NLGN4X: variants seen among roughly 807,000 people sequenced by gnomAD.
NLGN4X encodes neuroligin 4 X-linked.
Under a neutral mutation model 40.3 loss-of-function variants are expected in NLGN4X, and 3 were observed. The observed-to-expected ratio is 0.07, with a 90% CI of 0.03 to 0.19. NLGN4X has a LOEUF of 0.19. Among genes scored for constraint, NLGN4X ranks in the 10% least tolerant of loss-of-function variants. The pLI is 1.00. For missense variants in NLGN4X, 382 were observed against 708.3 expected, an observed-to-expected ratio of 0.54 and a Z score of 5.23; for synonymous variants, 270 against 306.8, an observed-to-expected ratio of 0.88 and a Z score of 1.25.
intron 2 of NLGN4X, among the ~76,000 whole-genome samples, chrX:6,088,636 C>T (rs1433408553): frequency 9.0e-6 from 1 of 111,676 alleles, no homozygotes; most frequent in Non-Finnish European, 1.9e-5. Flanking sequence ...ATCAATGACC[C>T]TTAGGGATTA....
At chrX:6,031,925 T>G (rs1225609115) in intron 2 of NLGN4X, among the ~76,000 whole-genome samples, 1 of 111,101 alleles carries the variant, frequency 9.0e-6, no homozygotes, top group Non-Finnish European at 1.9e-5. Context: ...AGCAATTTGG[T>G]AGCCTTAAGA....
intron 2 of NLGN4X, among the ~76,000 whole-genome samples, chrX:6,073,689 C>T: frequency 9.0e-6 from 1 of 110,886 alleles, no homozygotes; most frequent in Middle Eastern, 4.7e-3. Flanking sequence ...ATATAAGATA[C>T]TGCATTGGAA....
intron 2 of NLGN4X, among the ~76,000 whole-genome samples, chrX:6,128,031 G>T (rs182402125): frequency 5.7e-4 from 63 of 111,008 alleles, no homozygotes; most frequent in African/African-American, 1.9e-3. Context: ...TTGAACTCCT[G>T]ACCTCAAGAG....
At chrX:6,104,878 C>T (rs773708362) in intron 2 of NLGN4X, among the ~76,000 whole-genome samples, 1 of 110,596 alleles carries the variant, frequency 9.0e-6, no homozygotes, top group South Asian at 3.9e-4. Flanking sequence ...CACCCTAATC[C>T]AAGTTGAACC....
intron 3 of NLGN4X, among the ~76,000 whole-genome samples, chrX:5,983,823 G>A (rs1013984947): frequency 4.5e-5 from 5 of 111,814 alleles, no homozygotes; most frequent in African/African-American, 1.6e-4. Context: ...GCATGTGACT[G>A]TAGTCCCAGC....
At chrX:6,220,022 TA>T (rs1569306067) in intron 1 of NLGN4X, among the ~76,000 whole-genome samples, 43 of 111,053 alleles carry the variant, frequency 3.9e-4, no homozygotes, top group African/African-American at 1.4e-3. Context: ...TTTTTTTTTT[TA>T]TGTGGTAGTG....
chrX:6,165,996 T>C (rs1339512933), intron 1 of NLGN4X, among the ~76,000 whole-genome samples: 1 of 111,924 alleles, frequency 8.9e-6, no homozygotes, highest in Non-Finnish European at 1.9e-5. Flanking sequence ...ATAGATTCCA[T>C]GGGTTCTACA....
At chrX:5,902,560 G>C (rs764479235) in intron 5 of NLGN4X, among the ~76,000 whole-genome samples, 1 of 111,122 alleles carries the variant, frequency 9.0e-6, no homozygotes, top group Non-Finnish European at 1.9e-5. Context: ...ATGGTGGCAG[G>C]CACCTGTAGT....
At chrX:6,014,127 A>T (rs762731774) in intron 3 of NLGN4X, among the ~76,000 whole-genome samples, 1 of 108,474 alleles carries the variant, frequency 9.2e-6, no homozygotes, top group Non-Finnish European at 1.9e-5. Context: ...GGTTGCAGTG[A>T]GCTGAGATCG....
intron 2 of NLGN4X, among the ~76,000 whole-genome samples, chrX:6,031,884 A>T (rs2036867859): frequency 9.0e-6 from 1 of 111,201 alleles, no homozygotes; most frequent in Admixed American, 9.6e-5. Context: ...TTTAAAAAAA[A>T]ATCCTTTCAC....
chrX:6,120,549 T>C (rs915116057), intron 2 of NLGN4X, among the ~76,000 whole-genome samples: 13 of 111,560 alleles, frequency 1.2e-4, no homozygotes, highest in African/African-American at 3.9e-4. Flanking sequence ...CCCGTTGAGG[T>C]AGGTGTTATT....
rs189844214 is a variant in NLGN4X, at chrX:6,143,969, T to C, written c.472+7026A>G. Reference sequence around the variant, plus strand: ...GACATGCTTCTTCTCTGAACCTCAATATAGTAGTCTCAGCCTATAGTCCCA... The same window carrying C: ...GACATGCTTCTTCTCTGAACCTCAACATAGTAGTCTCAGCCTATAGTCCCA... On this transcript the variant is annotated intron_variant, in intron 2 of 5. Transcript: ENST00000381095. Among the ~76,000 whole-genome samples the C allele has an allele frequency of 2.7e-5, 3 of 111,679 alleles. No individual in the cohort carries two copies. The Admixed American group carries it at 2.9e-4, about 11-fold the overall frequency.
At chrX:6,011,834 G>A (rs181251579) in intron 3 of NLGN4X, among the ~76,000 whole-genome samples, 314 of 110,211 alleles carry the variant, frequency 2.8e-3, no homozygotes, top group African/African-American at 9.9e-3. Flanking sequence ...AAAAAGTAAA[G>A]ATAAAAAATA....
chrX:5,956,071 T>G (rs1168593075), intron 3 of NLGN4X, among the ~76,000 whole-genome samples: 1 of 108,984 alleles, frequency 9.2e-6, no homozygotes. Context: ...GAATACAAAG[T>G]CCTGCAAAAC....
At chrX:6,026,366 G>C (rs1177298825) in intron 3 of NLGN4X, among the ~76,000 whole-genome samples, 1 of 111,953 alleles carries the variant, frequency 8.9e-6, no homozygotes, top group East Asian at 2.8e-4. Flanking sequence ...GCCTAAAATT[G>C]TATCTACTTG....
At chrX:6,178,860 A>G (rs767699309) in intron 1 of NLGN4X, among the ~76,000 whole-genome samples, 2 of 111,126 alleles carry the variant, frequency 1.8e-5, no homozygotes, top group African/African-American at 6.6e-5. Flanking sequence ...TCCAAGGAGC[A>G]CAAGACAGGA....
At chrX:6,173,072 C>A (rs780773268) in intron 1 of NLGN4X, among the ~76,000 whole-genome samples, 1 of 112,183 alleles carries the variant, frequency 8.9e-6, no homozygotes, top group Non-Finnish European at 1.9e-5. Flanking sequence ...GGAGTCTGGG[C>A]TCTCGCCCCC....
rs777338261 is a variant in NLGN4X, at chrX:6,216,187, G to T, written c.-306+12354C>A. ...AGACCCTTTTCTTAATTTGAAGAGA[G>T]AATTTTTTTCCTGTCATATAGGTGT... On this transcript the variant is annotated intron_variant, in intron 1 of 5. Coordinates refer to ENST00000381095, the MANE Select transcript of NLGN4X (RefSeq NM_181332.3). Among the ~76,000 whole-genome samples the T allele has an allele frequency of 1.7e-4, 19 of 111,735 alleles. No individual in the cohort carries two copies. In the South Asian group the frequency reaches 4.9e-3, roughly 29 times the overall value.
chrX:6,174,244 C>T (rs773175473), intron 1 of NLGN4X, among the ~76,000 whole-genome samples: 2 of 110,040 alleles, frequency 1.8e-5, no homozygotes, highest in South Asian at 7.8e-4. Context: ...TCAGAAAGGC[C>T]ATCATTAAAT....
Sources: gnomAD v4.1 joint callset for allele counts (sites outside exome capture counted in the v4.1 genomes callset) on GRCh38, gnomAD v4.1.1 for gene constraint, MANE v1.5 for transcripts, NCBI Gene and HGNC (gene_info 2026-07-23, HGNC 2026-07-21) for gene names.